Variants in CAPN7 observed in about 807,000 individuals in gnomAD.
The protein encoded by CAPN7 is calpain 7.
In CAPN7, 72 loss-of-function variants were observed where a neutral mutation model predicts 115.2. The ratio of observed to expected loss-of-function variants is 0.63; its 90% CI spans 0.52 to 0.76. The LOEUF is 0.76. Ranked by LOEUF, CAPN7 falls within the 30% of genes least tolerant of loss-of-function variation. CAPN7 has a pLI of 0.00. For missense variants in CAPN7, 905 were observed against 971.5 expected, an observed-to-expected ratio of 0.93 and a Z score of 0.91; for synonymous variants, 344 against 322.3, an observed-to-expected ratio of 1.07 and a Z score of -0.72.
chr3:15,237,327 G>C (rs1041193350), intron 12 of CAPN7, among the ~76,000 whole-genome samples: 1 of 152,100 alleles, frequency 6.6e-6, no homozygotes, highest in Non-Finnish European at 1.5e-5. Flanking sequence ...GGATTATCAG[G>C]ATGTCAATTG....
At chr3:15,229,556 T>C (rs1559398823) in intron 8 of CAPN7, among the ~76,000 whole-genome samples, 3 of 122,078 alleles carry the variant, frequency 2.5e-5, no homozygotes, top group African/African-American at 1.5e-4. Context: ...GGTTTTACTT[T>C]TTTTCTTTTT....
In CAPN7 at chr3:15,251,226, G is replaced by C. The variant is rs1695988771; in HGVS notation, c.2408G>C (p.Ser803Thr). ...QEGPFFLDFN[S>T]IIPIKITQLQ ...GGACCTTTTTTCTTGGACTTTAATA[G>C]TATTATCCCCATCAAGATCACACAA... Residue 803 changes from serine (S) to threonine (T), a missense_variant, in exon 21 of 21, where the codon AGT becomes ACT. Physicochemically the swap from Ser to Thr is moderately conservative, Grantham distance 58. Transcript: ENST00000253693. The C allele has an allele frequency of 6.2e-7, 1 of 1,605,798 alleles. No homozygotes were observed. The highest frequency in any genetic ancestry group is 8.5e-7 in the Non-Finnish European group (1 of 1,177,738).
chr3:15,214,522 A>G (rs1409431695), intron 2 of CAPN7, among the ~76,000 whole-genome samples: 1 of 152,046 alleles, frequency 6.6e-6, no homozygotes, highest in Non-Finnish European at 1.5e-5. Context: ...TAGGAGTTCA[A>G]GATCAGCCTA....
At position 15,227,846 on chromosome 3, in the gene CAPN7, T is replaced by C; in HGVS notation, c.733T>C (p.Trp245Arg). ...TTTTTATTATTACCTCAGTGATAGA[T>C]GGGGCAAGCTACCATTATCACCTAA... Reference protein sequence around the residue: ...FAYPMPFCDRWGKLPLSPKQK... With the variant: ...FAYPMPFCDRRGKLPLSPKQK... The change falls in exon 7 of 21, where the codon TGG becomes CGG. Residue 245 changes from tryptophan to arginine, a missense_variant. Coordinates refer to ENST00000253693, the MANE Select transcript of CAPN7 (RefSeq NM_014296.3). The C allele has an allele frequency of 6.6e-7, 1 of 1,508,498 alleles. No individual in the cohort carries two copies. Among genetic ancestry groups the C allele is most frequent in the Non-Finnish European group, 8.9e-7 (1 of 1,127,524 alleles). 93.4% of individuals were successfully genotyped at this position (1,508,498 alleles called of 1,614,324 possible). A position where few individuals can be genotyped will look rare whatever the true frequency, so the allele number is the denominator to read the frequency against.
chr3:15,234,528 T>C (rs12386349), intron 11 of CAPN7, among the ~76,000 whole-genome samples: 3,266 of 152,248 alleles, frequency 0.021, 132 homozygotes, highest in African/African-American at 0.073. Flanking sequence ...ATATGTAATA[T>C]AGAAAAATTA....
intron 1 of CAPN7, chr3:15,210,882 A>T: frequency 6.2e-6 from 8 of 1,289,220 alleles, no homozygotes; most frequent in Non-Finnish European, 8.1e-6. Context: ...AACAGGCATG[A>T]TGACCCATGA....
rs17857456 is a variant in CAPN7, at chr3:15,220,794, A to T, written c.451A>T (p.Ser151Cys). Residue 151 changes from serine (S) to cysteine (C), a missense_variant, in exon 5 of 21, where the codon AGT (serine) becomes TGT (cysteine). By Grantham distance (112) the Ser-to-Cys change is moderately radical (BLOSUM62 -1). Coordinates refer to ENST00000253693, the MANE Select transcript of CAPN7 (RefSeq NM_014296.3). ...RQALDRAEAL[S>C]EPLTKPVGKI... Reference sequence around the variant, plus strand: ...TCTCTGTTATAGAGCAGAAGCGCTGAGTGAGCCTTTGACCAAGCCAGTTGG... The same window carrying T: ...TCTCTGTTATAGAGCAGAAGCGCTGTGTGAGCCTTTGACCAAGCCAGTTGG... The T allele has an allele frequency of 3.1e-6, 5 of 1,614,190 alleles. No individual in the cohort carries two copies. In the African/African-American group the frequency reaches 5.3e-5, roughly 17 times the overall value.
At chr3:15,227,397 G>A (rs1694384281) in intron 6 of CAPN7, among the ~76,000 whole-genome samples, 1 of 152,150 alleles carries the variant, frequency 6.6e-6, no homozygotes, top group Admixed American at 6.5e-5. Flanking sequence ...TTAGCATGAT[G>A]CCTGGCACAT....
At chr3:15,231,847 GAAT>G (rs1694710281) in intron 9 of CAPN7, among the ~76,000 whole-genome samples, 1 of 152,040 alleles carries the variant, frequency 6.6e-6, no homozygotes. Flanking sequence ...TTTTTAATAT[GAAT>G]TAGATACTGT....
At chr3:15,220,124 C>G (rs945165823) in intron 4 of CAPN7, among the ~76,000 whole-genome samples, 1 of 151,942 alleles carries the variant, frequency 6.6e-6, no homozygotes, top group African/African-American at 2.4e-5. Flanking sequence ...TCGCTTGACT[C>G]GGAAGGCAGA....
intron 1 of CAPN7, among the ~76,000 whole-genome samples, chr3:15,208,829 T>C (rs918177623): frequency 5.9e-5 from 9 of 152,186 alleles, no homozygotes; most frequent in African/African-American, 1.9e-4. Flanking sequence ...AATATACCCC[T>C]CTAGCTCTAG....
chr3:15,233,172 T>G (rs984990233), intron 10 of CAPN7, among the ~76,000 whole-genome samples: 9 of 152,210 alleles, frequency 5.9e-5, no homozygotes, highest in Non-Finnish European at 1.3e-4. Context: ...CTTAGCCTCT[T>G]CATGTATCCA....
At chr3:15,216,508 A>C (rs190309871) in intron 2 of CAPN7, among the ~76,000 whole-genome samples, 1 of 152,130 alleles carries the variant, frequency 6.6e-6, no homozygotes, top group African/African-American at 2.4e-5. Flanking sequence ...AGAGATCTTT[A>C]TATATTCTGG....
Position 15,242,152 on chromosome 3 carries a change from C to T in CAPN7, c.1789-26C>T. On this transcript the variant is annotated intron_variant, in intron 15 of 20. Coordinates refer to ENST00000253693, the MANE Select transcript of CAPN7 (RefSeq NM_014296.3). ...ATAGCATTTTGAACCCATTTTCTAACCACATTGGATTCTTTGTGATTTTAG... is the reference window on the plus strand; with the variant it reads ...ATAGCATTTTGAACCCATTTTCTAATCACATTGGATTCTTTGTGATTTTAG... 2.0e-6 allele frequency: 3 copies of T among 1,510,402 alleles called. No individual in the cohort carries two copies. The Middle Eastern group carries it at 5.1e-4, about 258-fold the overall frequency. 93.6% of individuals were successfully genotyped at this position (1,510,402 alleles called of 1,614,324 possible).
chr3:15,229,577 T>TC (rs1694555025), intron 8 of CAPN7, among the ~76,000 whole-genome samples: 1 of 141,240 alleles, frequency 7.1e-6, no homozygotes, highest in Non-Finnish European at 1.5e-5. Flanking sequence ...TTTTTTTTTT[T>TC]TTTTTTTTTT....
chr3:15,210,881 G>C (rs1226823259), intron 1 of CAPN7: 1 of 1,289,162 alleles, frequency 7.8e-7, no homozygotes, highest in African/African-American at 1.5e-5. Flanking sequence ...AAACAGGCAT[G>C]ATGACCCATG....
chr3:15,240,984 C>T, intron 14 of CAPN7, 131 bp downstream of exon 14: 3 of 570,872 alleles, frequency 5.3e-6, no homozygotes, highest in Non-Finnish European at 9.2e-6. Context: ...GTGGGTGGAT[C>T]AGTTGACCTC....
At chr3:15,229,561 C>CT (rs566957976) in intron 8 of CAPN7, among the ~76,000 whole-genome samples, 4,697 of 87,814 alleles carry the variant, frequency 0.053, 788 homozygotes, top group East Asian at 0.23. Context: ...TACTTTTTTT[C>CT]TTTTTTTTTT....
chr3:15,225,553 AAT>A (rs2124934532), intron 6 of CAPN7, among the ~76,000 whole-genome samples: 1 of 152,346 alleles, frequency 6.6e-6, no homozygotes, highest in East Asian at 1.9e-4. Flanking sequence ...AAATGCTCAT[AAT>A]ATAATTGGAA....
Sources: allele counts gnomAD v4.1 joint callset (sites outside exome capture counted in the v4.1 genomes callset), GRCh38; gene constraint gnomAD v4.1.1; transcripts MANE v1.5; gene names NCBI Gene and HGNC (gene_info 2026-07-23, HGNC 2026-07-21).